Variants in GMDS observed in about 807,000 individuals in gnomAD.
GMDS encodes GDP-mannose 4,6-dehydratase, also known as GDP-mannose 4,6 dehydratase.
In GMDS, 20 loss-of-function variants were observed where a neutral mutation model predicts 49.9. The ratio of observed to expected loss-of-function variants is 0.40; its 90% confidence interval spans 0.28 to 0.58. The LOEUF is 0.58. Among genes scored for constraint, GMDS ranks in the 20% least tolerant of loss-of-function variants. The pLI is 0.42. For synonymous variants in GMDS, 177 were observed against 178.6 expected (o/e 0.99, Z 0.07); for missense variants, 362 against 481.4 (o/e 0.75, Z 2.32).
At chr6:2,131,877 T>C (rs1329906529) in intron 1 of GMDS, among the ~76,000 whole-genome samples, 2 of 151,884 alleles carry the variant, frequency 1.3e-5, no homozygotes, top group Non-Finnish European at 2.9e-5. Flanking sequence ...ATCCCATTCT[T>C]GCCACTCATA....
intron 8 of GMDS, among the ~76,000 whole-genome samples, chr6:1,735,209 C>T (rs1221510501): frequency 6.6e-6 from 1 of 152,120 alleles, no homozygotes; most frequent in African/African-American, 2.4e-5. Flanking sequence ...GCATCTGCAC[C>T]TCTTTCACCT....
At chr6:1,803,456 C>A (rs1195141631) in intron 7 of GMDS, among the ~76,000 whole-genome samples, 2 of 152,020 alleles carry the variant, frequency 1.3e-5, no homozygotes, top group African/African-American at 2.4e-5. Context: ...TCTCTTTCAG[C>A]GAGCAGCCCT....
At chr6:1,835,874 T>C (rs925435982) in intron 7 of GMDS, among the ~76,000 whole-genome samples, 4 of 151,758 alleles carry the variant, frequency 2.6e-5, no homozygotes, top group Non-Finnish European at 5.9e-5. Flanking sequence ...TTTTATTTTT[T>C]ATTTATTTTA....
chr6:1,849,160 G>T (rs1036660206), intron 7 of GMDS, among the ~76,000 whole-genome samples: 1 of 152,164 alleles, frequency 6.6e-6, no homozygotes, highest in Admixed American at 6.5e-5. Context: ...CTGTGATTTA[G>T]TCACTTGTTG....
intron 8 of GMDS, among the ~76,000 whole-genome samples, chr6:1,731,139 A>G (rs1766787365): frequency 6.6e-6 from 1 of 152,240 alleles, no homozygotes; most frequent in African/African-American, 2.4e-5. Flanking sequence ...TTCACAATCC[A>G]AGAGATGATT....
At chr6:1,855,348 C>T (rs1250000454) in intron 7 of GMDS, among the ~76,000 whole-genome samples, 1 of 152,214 alleles carries the variant, frequency 6.6e-6, no homozygotes, top group African/African-American at 2.4e-5. Context: ...TAAATTACAA[C>T]TCATTTTCTT....
At chr6:2,102,282 GAAA>G (rs1450682117) in intron 4 of GMDS, among the ~76,000 whole-genome samples, 2 of 151,566 alleles carry the variant, frequency 1.3e-5, no homozygotes, top group Non-Finnish European at 2.9e-5. Flanking sequence ...TAAGCAAATT[GAAA>G]AAAATGTTAT....
intron 1 of GMDS, among the ~76,000 whole-genome samples, chr6:2,188,416 T>C (rs544617922): frequency 6.6e-6 from 1 of 152,294 alleles, no homozygotes; most frequent in East Asian, 1.9e-4. Flanking sequence ...GAAACTATCA[T>C]ATGCTGGTCA....
At chr6:1,993,941 C>A (rs1766115329) in intron 4 of GMDS, among the ~76,000 whole-genome samples, 1 of 152,172 alleles carries the variant, frequency 6.6e-6, no homozygotes. Flanking sequence ...CTCTGCCCAC[C>A]TCTGCTCACC....
intron 9 of GMDS, among the ~76,000 whole-genome samples, chr6:1,698,741 C>T (rs1765434870): frequency 6.6e-6 from 1 of 151,498 alleles, no homozygotes; most frequent in Non-Finnish European, 1.5e-5. Context: ...CAGAGGGCGG[C>T]CTCCAGTGGC....
chr6:1,861,645 C>T (rs1241377453), intron 7 of GMDS, among the ~76,000 whole-genome samples: 1 of 150,490 alleles, frequency 6.6e-6, no homozygotes, highest in Non-Finnish European at 1.5e-5. Flanking sequence ...AAAAAAAATG[C>T]GAAAAGGCAG....
At chr6:1,903,574 A>G (rs1760608257) in intron 7 of GMDS, among the ~76,000 whole-genome samples, 1 of 152,190 alleles carries the variant, frequency 6.6e-6, no homozygotes, top group South Asian at 2.1e-4. Context: ...ATCTCACTGC[A>G]TTTTTTTAAA....
At chr6:1,631,516 A>G (rs1201498789) in intron 9 of GMDS, among the ~76,000 whole-genome samples, 1 of 151,630 alleles carries the variant, frequency 6.6e-6, no homozygotes, top group Non-Finnish European at 1.5e-5. Flanking sequence ...CCCCACCACC[A>G]CTGCTTCGGA....
At chr6:1,637,310 T>C (rs1763188449) in intron 9 of GMDS, among the ~76,000 whole-genome samples, 1 of 152,228 alleles carries the variant, frequency 6.6e-6, no homozygotes, top group Non-Finnish European at 1.5e-5. Context: ...CAGCTGGGCA[T>C]GTGCTTCCCG....
chr6:2,173,899 C>G (rs1373337812), intron 1 of GMDS, among the ~76,000 whole-genome samples: 1 of 152,168 alleles, frequency 6.6e-6, no homozygotes, highest in Non-Finnish European at 1.5e-5. Context: ...TCCTAAGGAA[C>G]AGAAAGGGCA....
At chr6:2,096,629 A>G (rs1354574068) in intron 4 of GMDS, among the ~76,000 whole-genome samples, 1 of 152,218 alleles carries the variant, frequency 6.6e-6, no homozygotes, top group Non-Finnish European at 1.5e-5. Context: ...ACATTTAAAT[A>G]GGTTCTTTAG....
intron 4 of GMDS, among the ~76,000 whole-genome samples, chr6:2,038,648 G>A (rs1160566506): frequency 3.9e-5 from 6 of 152,150 alleles, no homozygotes; most frequent in African/African-American, 1.4e-4. Flanking sequence ...ACTCCTATGA[G>A]AAGCAAAGCA....
At chr6:1,785,539 G>A (rs530059080) in intron 7 of GMDS, among the ~76,000 whole-genome samples, 1 of 152,244 alleles carries the variant, frequency 6.6e-6, no homozygotes, top group African/African-American at 2.4e-5. Flanking sequence ...GCCCTTCTAC[G>A]CAGCCCTCGC....
intron 9 of GMDS, among the ~76,000 whole-genome samples, chr6:1,649,063 C>T (rs370685261): frequency 6.6e-6 from 1 of 152,168 alleles, no homozygotes; most frequent in African/African-American, 2.4e-5. Context: ...TGACACTGTC[C>T]TTCAAATATT....
Sources: gnomAD v4.1 joint callset for allele counts (sites outside exome capture counted in the v4.1 genomes callset) on GRCh38, gnomAD v4.1.1 for gene constraint, MANE v1.5 for transcripts, NCBI Gene and HGNC (gene_info 2026-07-23, HGNC 2026-07-21) for gene names.